Variants in LRPPRC observed in about 807,000 individuals in gnomAD.
LRPPRC encodes the protein leucine rich pentatricopeptide repeat containing, also known as leucine-rich PPR motif-containing protein, mitochondrial.
In LRPPRC, 120 loss-of-function variants were observed where a neutral mutation model predicts 180.3. That is an observed-to-expected ratio of 0.67 (90% CI 0.57 to 0.77). The LOEUF (loss-of-function observed/expected upper bound fraction) is 0.77. LRPPRC is among the 30% of genes least tolerant of loss of function. The pLI, the probability that LRPPRC is intolerant of heterozygous loss-of-function variation, is 0.00. For synonymous variants in LRPPRC, 723 were observed against 600.0 expected, an observed-to-expected ratio of 1.21 and a Z score of -3.00; for missense variants, 2,012 against 1,657.2, an observed-to-expected ratio of 1.21 and a Z score of -3.72.
intron 13 of LRPPRC, among the ~76,000 whole-genome samples, chr2:43,958,182 T>A (rs1052649585): frequency 9.2e-5 from 14 of 152,186 alleles, no homozygotes; most frequent in Non-Finnish European, 1.9e-4. Flanking sequence ...AGGGATGAGA[T>A]CACAGTAGGC....
intron 34 of LRPPRC, among the ~76,000 whole-genome samples, chr2:43,898,469 CTGTT>C (rs762748835): frequency 2.0e-5 from 3 of 152,166 alleles, no homozygotes; most frequent in Non-Finnish European, 4.4e-5. Context: ...ATCACGGTGA[CTGTT>C]TGACTGCCAC....
intron 16 of LRPPRC, 127 bp from the exon 17 acceptor site, chr2:43,948,645 A>G: frequency 1.4e-6 from 1 of 692,816 alleles, no homozygotes; most frequent in South Asian, 1.6e-5. Flanking sequence ...AAATGGCAAC[A>G]ATGATCACTG....
intron 30 of LRPPRC, among the ~76,000 whole-genome samples, chr2:43,911,493 T>C (rs1022679295): frequency 3.3e-5 from 5 of 151,472 alleles, no homozygotes; most frequent in African/African-American, 1.2e-4. Context: ...TTTTTCAGAT[T>C]ATTCCTTTTC....
intron 30 of LRPPRC, among the ~76,000 whole-genome samples, chr2:43,910,155 T>G (rs1671206074): frequency 6.6e-6 from 1 of 152,124 alleles, no homozygotes; most frequent in South Asian, 2.1e-4. Context: ...TTGAAACTAC[T>G]CTAGACCAGT....
At chr2:43,913,720 T>C (rs892165915) in intron 29 of LRPPRC, among the ~76,000 whole-genome samples, 10 of 152,224 alleles carry the variant, frequency 6.6e-5, no homozygotes, top group East Asian at 1.9e-4. Context: ...CAGTCTTCCA[T>C]AGAACAGTCC....
At chr2:43,992,106 T>G (rs1023688323) in intron 1 of LRPPRC, among the ~76,000 whole-genome samples, 2 of 152,088 alleles carry the variant, frequency 1.3e-5, no homozygotes, top group Non-Finnish European at 2.9e-5. Flanking sequence ...AATGGGTGCT[T>G]TAGTGATACA....
At chr2:43,918,822 T>TAG (rs1558938590) in intron 27 of LRPPRC, among the ~76,000 whole-genome samples, 77 of 143,376 alleles carry the variant, frequency 5.4e-4, no homozygotes, top group African/African-American at 1.9e-3. Flanking sequence ...TATATATATA[T>TAG]CTATATATAG....
rs1670419686 is a variant in LRPPRC at position 43,889,786 on chromosome 2, T to C, written c.4076A>G (p.Tyr1359Cys). 1.2e-6 allele frequency: 2 copies of C among 1,611,950 alleles called. No homozygotes were observed. The highest frequency in any genetic ancestry group is 4.5e-5 in the East Asian group (2 of 44,884). The part of the protein sequence containing the change: ...TKLDDLFLKR[Y>C]ASLLKYAGEP... ...TCCAGCATACTTCAGCAAAGATGCG[T>C]AACGCTTTAGAAACAGATCATCCAA... Residue 1359 changes from tyrosine (Y) to cysteine (C), a missense_variant, in exon 37 of 38, where the codon TAC (tyrosine) becomes TGC (cysteine). By Grantham distance (194) the Tyr-to-Cys change is radical. Transcript: ENST00000260665.
intron 14 of LRPPRC, among the ~76,000 whole-genome samples, chr2:43,951,244 G>A (rs1342058797): frequency 6.6e-6 from 1 of 152,222 alleles, no homozygotes; most frequent in Non-Finnish European, 1.5e-5. Context: ...AGCTGTAACA[G>A]TGAAGAATAA....
Position 43,918,371 on chromosome 2 carries a change from T to A in LRPPRC, c.2924A>T (p.Asp975Val), listed in dbSNP as rs1671554902. 2 of 1,610,980 alleles carry A rather than the reference T, an allele frequency of 1.2e-6. No homozygotes were observed. The highest frequency in any genetic ancestry group is 2.7e-5 in the African/African-American group (2 of 74,898). ...YKINGDWQRA[D>V]AVWNKIQEEN... is the part of the protein sequence containing the mutation. ...TTCTTGGATTTTATTCCAGACTGCATCAGCTCTTTGCCAGTCACCGTTTAT... is the reference window on the plus strand; with the variant it reads ...TTCTTGGATTTTATTCCAGACTGCAACAGCTCTTTGCCAGTCACCGTTTAT... Residue 975 changes from aspartate to valine, a missense_variant, in exon 28 of 38, where the codon GAT (aspartate) becomes GTT (valine). By Grantham distance (152) the Asp-to-Val change is radical (BLOSUM62 -3). Transcript: ENST00000260665.
upstream of LRPPRC, among the ~76,000 whole-genome samples, chr2:43,996,191 T>C (rs1224426205): frequency 6.6e-6 from 1 of 152,142 alleles, no homozygotes; most frequent in Non-Finnish European, 1.5e-5. Flanking sequence ...CCGTCTTCCG[T>C]CTCCGATCTG....
chr2:43,938,938 T>C (rs1045381014), intron 23 of LRPPRC, among the ~76,000 whole-genome samples: 1 of 152,116 alleles, frequency 6.6e-6, no homozygotes, highest in Admixed American at 6.6e-5. Flanking sequence ...TCGTAATTTA[T>C]ACTAAGTAAC....
chr2:43,976,203 T>C lies in LRPPRC; in HGVS notation c.677A>G (p.Lys226Arg). 1.2e-6 allele frequency: 2 copies of C among 1,610,312 alleles called. No homozygotes were observed. Among genetic ancestry groups the C allele is most frequent in the Non-Finnish European group, 1.7e-6 (2 of 1,176,564 alleles). Residue 226 changes from lysine to arginine, a missense_variant, in exon 6 of 38, where the codon AAG (lysine) becomes AGG (arginine). Physicochemically the swap from Lys to Arg is conservative, Grantham distance 26 (BLOSUM62 2). Transcript: ENST00000260665. ...ASKILGFMKT[K>R]DLPVTEAVFS... ...TACTGCCTCTGTAACTGGGAGATCCTTAGTTTTCATAAATCCAAGAATCTT... is the reference window on the plus strand; with the variant it reads ...TACTGCCTCTGTAACTGGGAGATCCCTAGTTTTCATAAATCCAAGAATCTT...
chr2:43,987,904 T>C lies in LRPPRC; in HGVS notation c.150-5470A>G, dbSNP rs540447089. On this transcript the variant is annotated intron_variant, in intron 1 of 37. Coordinates refer to ENST00000260665, the MANE Select transcript of LRPPRC (RefSeq NM_133259.4). ...TATTCTTATCTAGTAATAAATCTAA[T>C]AAATTAGACCTTTAAAAATATTAAT... Among the ~76,000 whole-genome samples the C allele has an allele frequency of 7.1e-4, 108 of 152,282 alleles. 1 individual carries two copies. Among genetic ancestry groups the C allele is most frequent in the Non-Finnish European group, 1.2e-3 (81 of 68,034 alleles).
chr2:43,985,439 T>C (rs1277294048), intron 1 of LRPPRC, among the ~76,000 whole-genome samples: 1 of 152,164 alleles, frequency 6.6e-6, no homozygotes, highest in African/African-American at 2.4e-5. Context: ...TACAGTATCA[T>C]ACAAAATAAT....
At chr2:43,961,548 T>C (rs984422842) in intron 12 of LRPPRC, among the ~76,000 whole-genome samples, 11 of 152,344 alleles carry the variant, frequency 7.2e-5, no homozygotes, top group African/African-American at 1.4e-4. Flanking sequence ...CAAGGAACTA[T>C]GGACAGATTG....
intron 25 of LRPPRC, 116 bp from the exon 26 acceptor site, chr2:43,926,077 TTATATACTAAAC>T (rs1221578022): frequency 5.9e-6 from 4 of 681,506 alleles, no homozygotes; most frequent in African/African-American, 5.4e-5. Context: ...TATACTAAAC[TTATATACTAAAC>T]TATATATACT....
intron 1 of LRPPRC, among the ~76,000 whole-genome samples, chr2:43,982,710 G>A (rs1159181418): frequency 6.6e-6 from 1 of 152,166 alleles, no homozygotes; most frequent in Non-Finnish European, 1.5e-5. Flanking sequence ...AAATCAGATG[G>A]AAATACAGTG....
chr2:43,935,952 G>A (rs1672261325), intron 23 of LRPPRC, among the ~76,000 whole-genome samples: 1 of 152,000 alleles, frequency 6.6e-6, no homozygotes, highest in East Asian at 1.9e-4. Context: ...GCGTGATGGC[G>A]CATGCCTGTA....
Sources: allele counts gnomAD v4.1 joint callset (sites outside exome capture counted in the v4.1 genomes callset), GRCh38; gene constraint gnomAD v4.1.1; transcripts MANE v1.5; gene names NCBI Gene and HGNC (gene_info 2026-07-23, HGNC 2026-07-21).